Variants in ACCSL observed in about 807,000 individuals in gnomAD.
ACCSL encodes probable inactive 1-aminocyclopropane-1-carboxylate synthase-like protein 2.
Under a neutral mutation model 61.7 loss-of-function variants are expected in ACCSL, and 55 were observed. That is an observed-to-expected ratio of 0.89 (90% CI 0.72 to 1.12). The LOEUF (loss-of-function observed/expected upper bound fraction) is 1.12. ACCSL is among the 50% of genes most tolerant of loss of function. The pLI, the probability that ACCSL is intolerant of heterozygous loss-of-function variation, is 0.00. For missense variants in ACCSL, 632 were observed against 698.0 expected, an observed-to-expected ratio of 0.91 and a Z score of 1.07; for synonymous variants, 258 against 264.3, an observed-to-expected ratio of 0.98 and a Z score of 0.23.
the ACCSL span, among the ~76,000 whole-genome samples, chr11:43,970,066 C>T: frequency 1.3e-5 from 2 of 151,996 alleles, no homozygotes; most frequent in African/African-American, 4.8e-5. Context: ...CTTGTAATCC[C>T]AGAACTTGGG....
At chr11:43,998,552 G>A in the ACCSL span, among the ~76,000 whole-genome samples, 2 of 152,124 alleles carry the variant, frequency 1.3e-5, no homozygotes, top group African/African-American at 4.8e-5. Context: ...CAGGCTCCAG[G>A]GCCAGGCACC....
the ACCSL span, among the ~76,000 whole-genome samples, chr11:44,018,972 C>T: frequency 6.6e-6 from 1 of 152,162 alleles, no homozygotes; most frequent in Non-Finnish European, 1.5e-5. Flanking sequence ...TCTCTGTTTC[C>T]AGCCCTTGGC....
At chr11:44,043,142 T>A (rs1472797654), upstream of ACCSL, among the ~76,000 whole-genome samples, 1 of 152,164 alleles carries the variant, frequency 6.6e-6, no homozygotes, top group African/African-American at 2.4e-5. Flanking sequence ...TATAGCTACA[T>A]TTTAAATCTA....
upstream of ACCSL, among the ~76,000 whole-genome samples, chr11:44,045,665 C>A (rs1033145394): frequency 3.9e-5 from 6 of 152,130 alleles, no homozygotes; most frequent in African/African-American, 1.4e-4. Context: ...TGCCTGGAGT[C>A]CCCGGCTGAG....
At chr11:43,927,283 T>G in the ACCSL span, among the ~76,000 whole-genome samples, 1 of 152,324 alleles carries the variant, frequency 6.6e-6, no homozygotes, top group Non-Finnish European at 1.5e-5. Context: ...GTGGTTGGTG[T>G]TGATGCTGTT....
At chr11:43,943,493 G>C in the ACCSL span, 1 of 1,381,260 alleles carries the variant, frequency 7.2e-7, no homozygotes, top group African/African-American at 1.5e-5. The surrounding 1 kb of genome is among the most constrained non-coding windows in gnomAD (Gnocchi z 4.8). Context: ...CGCTTTCCTC[G>C]TCCTTGTAAA....
chr11:43,989,523 C>T, the ACCSL span, among the ~76,000 whole-genome samples: 1 of 152,220 alleles, frequency 6.6e-6, no homozygotes, highest in African/African-American at 2.4e-5. Flanking sequence ...ACAGGACAGG[C>T]TCAGAGGGCC....
At chr11:43,959,707 C>A in the ACCSL span, among the ~76,000 whole-genome samples, 1 of 152,174 alleles carries the variant, frequency 6.6e-6, no homozygotes, top group Non-Finnish European at 1.5e-5. Context: ...TCCTGGTAAA[C>A]CTATCCTAGA....
the ACCSL span, among the ~76,000 whole-genome samples, chr11:43,934,474 A>G: frequency 2.6e-5 from 4 of 152,244 alleles, no homozygotes; most frequent in South Asian, 2.1e-4. Context: ...CCACACACAC[A>G]CGCGCACACA....
chr11:43,946,566 T>A, the ACCSL span, among the ~76,000 whole-genome samples: 3 of 152,256 alleles, frequency 2.0e-5, no homozygotes, highest in South Asian at 6.2e-4. Context: ...CAAATGAGTT[T>A]GTATTCTACA....
chr11:44,052,647 T>C lies in ACCSL; in HGVS notation c.773-15T>C. 1.2e-6 allele frequency: 2 copies of C among 1,609,236 alleles called. No homozygotes were observed. Among genetic ancestry groups the C allele is most frequent in the Non-Finnish European group, 1.7e-6 (2 of 1,175,504 alleles). On this transcript the variant is annotated splice_polypyrimidine_tract_variant and intron_variant, in intron 5 of 13. Transcript: ENST00000378832. ...GAGACTTTGGACTGATAGCTCTGTC[T>C]CTCTGTGTTTCCAGAGGCCTTCCTG... is the stretch of plus-strand genomic sequence containing the variant.
the ACCSL span, among the ~76,000 whole-genome samples, chr11:44,014,571 C>T: frequency 6.7e-5 from 10 of 149,776 alleles, no homozygotes; most frequent in Non-Finnish European, 3.0e-5. Context: ...AGGGACATAC[C>T]ACCACTTCCA....
the ACCSL span, among the ~76,000 whole-genome samples, chr11:43,928,367 A>G: frequency 6.6e-6 from 1 of 152,172 alleles, no homozygotes; most frequent in African/African-American, 2.4e-5. Flanking sequence ...TGCTGAAACA[A>G]CAGAAAAACA....
chr11:43,943,682 C>T, the ACCSL span: 7 of 1,304,732 alleles, frequency 5.4e-6, no homozygotes, highest in South Asian at 4.9e-5. This position sits in a 1 kb window ranked among gnomAD's most constrained non-coding sequence, Gnocchi z 4.8. Context: ...CTCACGCCAA[C>T]ACTCTCGCTG....
At chr11:44,013,382 C>T in the ACCSL span, among the ~76,000 whole-genome samples, 11 of 152,182 alleles carry the variant, frequency 7.2e-5, no homozygotes, top group East Asian at 3.9e-4. Context: ...TGGATTCAAG[C>T]GATTCTCCTG....
the ACCSL span, among the ~76,000 whole-genome samples, chr11:44,037,879 C>CCATCCGTG: frequency 5.9e-5 from 9 of 151,386 alleles, no homozygotes; most frequent in Admixed American, 4.0e-4. Context: ...ATGCATCCAT[C>CCATCCGTG]CATCCATCCA....
chr11:43,953,558 G>A, the ACCSL span, among the ~76,000 whole-genome samples: 150 of 150,480 alleles, frequency 1.0e-3, no homozygotes, highest in African/African-American at 3.4e-3. Flanking sequence ...GTAAAAAGCC[G>A]GCCAAAACCT....
the ACCSL span, among the ~76,000 whole-genome samples, chr11:43,939,493 G>A: frequency 1.3e-5 from 2 of 152,180 alleles, no homozygotes; most frequent in African/African-American, 4.8e-5. Flanking sequence ...GTTTTAATAA[G>A]CAGCCAGCAG....
the ACCSL span, among the ~76,000 whole-genome samples, chr11:43,979,020 A>G: frequency 2.0e-5 from 3 of 152,062 alleles, no homozygotes; most frequent in Non-Finnish European, 2.9e-5. Context: ...AATGTTTCCA[A>G]TTGTTTTCCC....
Sources: gnomAD v4.1 joint callset for allele counts (sites outside exome capture counted in the v4.1 genomes callset) on GRCh38, gnomAD v4.1.1 for gene constraint, Gnocchi (gnomAD v3.1) non-coding constraint, MANE v1.5 for transcripts, NCBI Gene and HGNC (gene_info 2026-07-23, HGNC 2026-07-21) for gene names.